RUNX3: variants seen among roughly 807,000 people sequenced by gnomAD.
RUNX3 encodes RUNX family transcription factor 3, also known as runt-related transcription factor 3.
Under a neutral mutation model 27.7 loss-of-function variants are expected in RUNX3, and 10 were observed. That is an observed-to-expected ratio of 0.36 (90% CI 0.22 to 0.61). RUNX3 has a LOEUF of 0.61. RUNX3 is among the 20% of genes least tolerant of loss of function. The pLI is 0.72. For missense variants in RUNX3, 469 were observed against 629.5 expected (o/e 0.75, Z 2.73); for synonymous variants, 270 against 269.2 (o/e 1.00, Z -0.03).
chr1:24,907,229 C>A, intron 4 of RUNX3, 30 bp downstream of exon 4: 1 of 1,598,312 alleles, frequency 6.3e-7, no homozygotes, highest in South Asian at 1.1e-5. Context: ...CCCACCTCAC[C>A]CCGCTGCAGC....
chr1:24,917,832 C>T (rs1242399540), intron 3 of RUNX3, among the ~76,000 whole-genome samples: 1 of 152,286 alleles, frequency 6.6e-6, no homozygotes, highest in East Asian at 1.9e-4. Flanking sequence ...ATGAGGGCTT[C>T]CCAGCCATCA....
chr1:24,922,423 A>G (rs1257494872), intron 2 of RUNX3, among the ~76,000 whole-genome samples: 1 of 150,242 alleles, frequency 6.7e-6, no homozygotes, highest in Admixed American at 6.6e-5. Context: ...ATTTAGCATC[A>G]CTCTCAAGTA....
At chr1:24,914,480 C>T (rs991773658) in intron 3 of RUNX3, among the ~76,000 whole-genome samples, 2 of 152,230 alleles carry the variant, frequency 1.3e-5, no homozygotes, top group Non-Finnish European at 2.9e-5. Context: ...TGCTGTGAAT[C>T]GGCCCCCTGT....
intron 2 of RUNX3, among the ~76,000 whole-genome samples, chr1:24,955,964 G>T (rs916902784): frequency 3.9e-5 from 6 of 152,230 alleles, no homozygotes; most frequent in Non-Finnish European, 2.9e-5. Context: ...TAAGTCCGCT[G>T]GGGACGTAGG....
intron 2 of RUNX3, among the ~76,000 whole-genome samples, chr1:24,945,675 T>A (rs1641588362): frequency 6.6e-6 from 1 of 152,208 alleles, no homozygotes; most frequent in Non-Finnish European, 1.5e-5. Context: ...GCTCATGGAA[T>A]GTTCTAATGT....
chr1:24,914,599 A>C (rs2282719), intron 3 of RUNX3, among the ~76,000 whole-genome samples: 100,214 of 152,058 alleles, frequency 0.66, 34,920 homozygotes, highest in African/African-American at 0.9. Flanking sequence ...GGGCTTCCAG[A>C]GGCCTGGGGT....
upstream of RUNX3, among the ~76,000 whole-genome samples, chr1:24,935,033 G>A (rs564616933): frequency 1.3e-5 from 2 of 152,318 alleles, no homozygotes; most frequent in East Asian, 3.9e-4. Context: ...ACTGGCAGTA[G>A]TCCCCAGTTT....
In RUNX3 at chr1:24,927,710, C is replaced by T. The variant is rs911067914; in HGVS notation, c.303G>A (p.Val101=). The change falls in exon 2 of 5, where the codon GTG becomes GTA. Residue 101 remains valine (V), a synonymous_variant. Transcript: ENST00000308873. This position sits in a 1 kb window ranked among gnomAD's most constrained non-coding sequence, Gnocchi z 5.0. ...TCACAGTCACCACCGTACCATCCGG[C>T]ACGTCCCCCAATGCCACCACCTGAA... ...VAFKVVALGD[V]PDGTVVTVMA... is the part of the protein sequence containing the mutation. The T allele has an allele frequency of 8.1e-6, 13 of 1,614,034 alleles. No individual in the cohort carries two copies. The highest frequency in any genetic ancestry group is 1.1e-5 in the Non-Finnish European group (13 of 1,180,006).
rs140122885 is a variant in RUNX3, at chr1:24,943,609, C to T, written c.59-13757G>A. 8.0e-4 allele frequency among the ~76,000 whole-genome samples: 122 copies of T among 152,270 alleles called. 1 individual carries two copies. Among genetic ancestry groups the T allele is most frequent in the South Asian group, 1.7e-3 (8 of 4,822 alleles). ...GAACAGTTGGCCAGTGCGGAGAGGA[C>T]CCCCGAAGATCTCTGAGGCTAGTCC... On this transcript the variant is annotated intron_variant, in intron 2 of 6. Coordinates refer to the RUNX3 transcript ENST00000338888. The surrounding 1 kb of genome is among the most constrained non-coding windows in gnomAD (Gnocchi z 4.6).
rs1640900980 is a variant in RUNX3 at position 24,916,910 on chromosome 1, C to T, written c.544+2330G>A. Among the ~76,000 whole-genome samples the T allele has an allele frequency of 1.3e-5, 2 of 152,196 alleles. No individual in the cohort carries two copies. The highest frequency in any genetic ancestry group is 4.8e-5 in the African/African-American group (2 of 41,440). On this transcript the variant is annotated intron_variant, in intron 3 of 4. Transcript: ENST00000308873. This position sits in a 1 kb window ranked among gnomAD's most constrained non-coding sequence, Gnocchi z 4.8. ...CTCCCTCTTGTTGCCTCGTCCTGAGCCACGCATTTACCTTCCAGCTCACCC... is the reference window on the plus strand; with the variant it reads ...CTCCCTCTTGTTGCCTCGTCCTGAGTCACGCATTTACCTTCCAGCTCACCC...
chr1:24,935,198 C>A (rs1161304139), upstream of RUNX3, among the ~76,000 whole-genome samples: 1 of 152,230 alleles, frequency 6.6e-6, no homozygotes, highest in Non-Finnish European at 1.5e-5. Context: ...GGGCCTCATA[C>A]ACTAGCACCC....
At chr1:24,931,299 G>C (rs953318591), upstream of RUNX3, among the ~76,000 whole-genome samples, 3 of 152,112 alleles carry the variant, frequency 2.0e-5, no homozygotes, top group Admixed American at 6.5e-5. Flanking sequence ...ACCGCGGACA[G>C]CTTCGCCAAG....
chr1:24,905,039 G>GGGGGCT (rs979844132), intron 4 of RUNX3, among the ~76,000 whole-genome samples: 12 of 152,126 alleles, frequency 7.9e-5, no homozygotes, highest in Admixed American at 7.2e-4. Flanking sequence ...GGCTGCGGCT[G>GGGGGCT]GGGGCTGGGG....
At chr1:24,912,622 C>A (rs1048340903) in intron 3 of RUNX3, among the ~76,000 whole-genome samples, 1 of 151,992 alleles carries the variant, frequency 6.6e-6, no homozygotes. Flanking sequence ...TCCACGGCAG[C>A]GTCTAAGCAG....
chr1:24,948,956 C>G (rs1418796094), intron 2 of RUNX3, among the ~76,000 whole-genome samples: 1 of 151,926 alleles, frequency 6.6e-6, no homozygotes, highest in African/African-American at 2.4e-5. Context: ...CCTCCTGCTG[C>G]TTGCCCCTGT....
chr1:24,930,084 G>T lies in RUNX3; in HGVS notation c.-216C>A, dbSNP rs954064208. 1.0e-6 allele frequency: 1 copy of T among 979,948 alleles called. No homozygotes were observed. Among genetic ancestry groups the T allele is most frequent in the African/African-American group, 1.8e-5 (1 of 56,644 alleles). 60.7% of individuals were successfully genotyped at this position (979,948 alleles called of 1,614,324 possible). A position where few individuals can be genotyped will look rare whatever the true frequency, so the allele number is the denominator to read the frequency against. On this transcript the variant is annotated 5_prime_UTR_variant, in exon 1 of 5. Transcript: ENST00000308873. The surrounding 1 kb of genome is among the most constrained non-coding windows in gnomAD (Gnocchi z 4.1). The stretch of plus-strand genomic sequence containing the variant: ...CTGGCCCGACGGCCGCCCGCAGCCT[G>T]CCCGGCTAGTCCCGCATCCTCGGCG...
At chr1:24,942,002 G>A (rs1316741472) in intron 2 of RUNX3, among the ~76,000 whole-genome samples, 1 of 152,200 alleles carries the variant, frequency 6.6e-6, no homozygotes, top group Admixed American at 6.5e-5. Flanking sequence ...CCTCAGACCT[G>A]GGGTGGGGGG....
chr1:24,941,261 A>G (rs1225472648), intron 2 of RUNX3, among the ~76,000 whole-genome samples: 2 of 152,134 alleles, frequency 1.3e-5, no homozygotes, highest in East Asian at 3.9e-4. Flanking sequence ...CCCTTCAGGT[A>G]TGTGTCAGTG....
At chr1:24,933,614 G>T (rs1216940651), upstream of RUNX3, among the ~76,000 whole-genome samples, 1 of 152,182 alleles carries the variant, frequency 6.6e-6, no homozygotes, top group African/African-American at 2.4e-5. Context: ...CTACCTCCAC[G>T]TGGAGTCAGC....
Sources: gnomAD v4.1 joint callset for allele counts (sites outside exome capture counted in the v4.1 genomes callset) on GRCh38, gnomAD v4.1.1 for gene constraint, Gnocchi (gnomAD v3.1) non-coding constraint, MANE v1.5 for transcripts, NCBI Gene and HGNC (gene_info 2026-07-23, HGNC 2026-07-21) for gene names.